The following OGFOD3 variants were observed in gnomAD, a reference collection of about 807,000 sequenced individuals.
OGFOD3 encodes 2-oxoglutarate and iron dependent oxygenase domain containing 3, also known as 2-oxoglutarate and iron-dependent oxygenase domain-containing protein 3.
OGFOD3 carries 35 observed loss-of-function variants against 39.8 expected under a neutral mutation model. The observed-to-expected ratio is 0.88, with a 90% CI of 0.67 to 1.17. The LOEUF (loss-of-function observed/expected upper bound fraction) is 1.17. Ranked by LOEUF, OGFOD3 falls within the 50% of genes most tolerant of loss-of-function variation. OGFOD3 has a pLI of 0.00. For missense variants in OGFOD3, 438 were observed against 454.5 expected (o/e 0.96, Z 0.33); for synonymous variants, 200 against 192.0 (o/e 1.04, Z -0.34).
intron 7 of OGFOD3, 174 bp downstream of exon 7, chr17:82,403,763 G>GCTCACCCTGCCCACGTGCGCA (rs1567869808): frequency 7.6e-6 from 6 of 787,756 alleles, no homozygotes; most frequent in African/African-American, 3.5e-5. Flanking sequence ...CCACATGCGC[G>GCTCACCCTGCCCACGTGCGCA]CTCACCCTGC....
At chr17:82,414,375 C>A (rs957389881) in intron 2 of OGFOD3, among the ~76,000 whole-genome samples, 1 of 152,206 alleles carries the variant, frequency 6.6e-6, no homozygotes, top group Non-Finnish European at 1.5e-5. Flanking sequence ...TGGCCTCAAG[C>A]GATCCTCCTG....
chr17:82,416,499 G>C (rs1020209179), intron 1 of OGFOD3, among the ~76,000 whole-genome samples: 1 of 151,944 alleles, frequency 6.6e-6, no homozygotes, highest in South Asian at 2.1e-4. Context: ...CATCAGGGCC[G>C]CACTCCCTCC....
intron 8 of OGFOD3, among the ~76,000 whole-genome samples, chr17:82,395,260 G>C (rs944596986): frequency 6.6e-6 from 1 of 152,086 alleles, no homozygotes. Context: ...TTGAACTCCC[G>C]AGCTCAAACG....
chr17:82,412,467 G>C (rs1025014101), intron 2 of OGFOD3, among the ~76,000 whole-genome samples: 1 of 144,852 alleles, frequency 6.9e-6, no homozygotes, highest in Non-Finnish European at 1.5e-5. Flanking sequence ...TATCGGGGCA[G>C]GGGCAAGGTC....
chr17:82,411,938 A>G (rs1301579688), intron 2 of OGFOD3, among the ~76,000 whole-genome samples: 1 of 152,050 alleles, frequency 6.6e-6, no homozygotes, highest in Non-Finnish European at 1.5e-5. Context: ...CCCTCCTGAG[A>G]CCACCAGGGA....
Position 82,404,904 on chromosome 17 carries a change from C to T in OGFOD3, c.545+420G>A, listed in dbSNP as rs185320462. Among the ~76,000 whole-genome samples the T allele has an allele frequency of 4.4e-4, 67 of 152,186 alleles. No homozygotes were observed. Among genetic ancestry groups the T allele is most frequent in the Non-Finnish European group, 4.4e-4 (30 of 68,000 alleles). Reference sequence around the variant, plus strand: ...TACAGGCACCCGCCACCGCACCCAACTAATTTTTGTACTTTTAGTAAAGAT... The same window carrying T: ...TACAGGCACCCGCCACCGCACCCAATTAATTTTTGTACTTTTAGTAAAGAT... On this transcript the variant is annotated intron_variant, in intron 6 of 8. Transcript: ENST00000313056. This position sits in a 1 kb window ranked among gnomAD's most constrained non-coding sequence, Gnocchi z 4.5.
intron 7 of OGFOD3, among the ~76,000 whole-genome samples, chr17:82,401,627 A>T (rs1419959128): frequency 6.9e-6 from 1 of 145,744 alleles, no homozygotes; most frequent in Non-Finnish European, 1.5e-5. Context: ...AACATGGTGA[A>T]ACCCCGTCTC....
rs748039832 is a variant in OGFOD3, at chr17:82,403,952, A to C, written c.684T>G (p.His228Gln). 1.9e-6 allele frequency: 3 copies of C among 1,605,992 alleles called. No homozygotes were observed. The highest frequency in any genetic ancestry group is 1.7e-5 in the Admixed American group (1 of 59,062). Residue 228 changes from histidine to glutamine, a missense_variant, in exon 7 of 9, where the codon CAT becomes CAG. His to Gln is a conservative substitution (Grantham distance 24). Coordinates refer to ENST00000313056, the MANE Select transcript of OGFOD3 (RefSeq NM_024648.3). ...EARTAHDEYWHAHVDKVTYGS... is the reference protein window; with the variant it reads ...EARTAHDEYWQAHVDKVTYGS... ...GCGCGCTCACCTTGTCCACGTGCGC[A>C]TGCCAGTACTCGTCGTGCGCCGTCC...
chr17:82,394,845 A>C (rs66463391), intron 8 of OGFOD3, among the ~76,000 whole-genome samples: 1 of 151,856 alleles, frequency 6.6e-6, no homozygotes. Flanking sequence ...CCCCCCAGTA[A>C]AAACCCTGGA....
rs181956173 is a variant in OGFOD3 at position 82,406,267 on chromosome 17, C to G, written c.488+151G>C. The G allele has an allele frequency of 7.2e-4, 492 of 687,378 alleles. 5 individuals are homozygous for G. The East Asian group carries it at 0.013, about 18-fold the overall frequency. The allele number at this position is 687,378 out of a possible 1,614,324, so 42.6% of individuals were successfully genotyped here. ...TGCGTCCCAAAGAACCAGGAAGGAC[C>G]CGGCCAACATCACAGCCACTGAGGC... On this transcript the variant is annotated intron_variant, in intron 5 of 8. Coordinates refer to ENST00000313056, the MANE Select transcript of OGFOD3 (RefSeq NM_024648.3). The surrounding 1 kb of genome is among the most constrained non-coding windows in gnomAD (Gnocchi z 5.2).
At chr17:82,411,853 C>G (rs2052948737) in intron 2 of OGFOD3, among the ~76,000 whole-genome samples, 1 of 152,198 alleles carries the variant, frequency 6.6e-6, no homozygotes, top group African/African-American at 2.4e-5. Context: ...GGTCCAGACA[C>G]CCACAGGCAC....
rs2052584545 is a variant in OGFOD3, at chr17:82,390,286, C to G, written c.*2112G>C. On this transcript the variant is annotated 3_prime_UTR_variant, in exon 9 of 9. Transcript: ENST00000313056. This position sits in a 1 kb window ranked among gnomAD's most constrained non-coding sequence, Gnocchi z 4.9. ...TTTCCATGCAGCATTTTCCACCTGC[C>G]CCGACCATGACCACAGCCACGGACC... is the stretch of plus-strand genomic sequence containing the variant. 6.6e-6 allele frequency: 1 copy of G among 152,272 alleles called. No individual in the cohort carries two copies. Among genetic ancestry groups the G allele is most frequent in the Non-Finnish European group, 1.5e-5 (1 of 68,092 alleles). 9.4% of individuals were successfully genotyped at this position (152,272 alleles called of 1,614,324 possible). A position where few individuals can be genotyped will look rare whatever the true frequency, so the allele number is the denominator to read the frequency against.
intron 2 of OGFOD3, among the ~76,000 whole-genome samples, chr17:82,413,595 C>T (rs1194598396): frequency 2.6e-5 from 4 of 152,138 alleles, no homozygotes; most frequent in Admixed American, 6.6e-5. Flanking sequence ...AGAGGCCAGG[C>T]GCAGTGGCTC....
chr17:82,400,096 A>G (rs994428839), intron 7 of OGFOD3, among the ~76,000 whole-genome samples: 6 of 152,116 alleles, frequency 3.9e-5, no homozygotes, highest in African/African-American at 1.4e-4. Flanking sequence ...GGAGAGCAGG[A>G]TCACGCTGGG....
Position 82,406,515 on chromosome 17 carries a change from C to T in OGFOD3, c.424-33G>A. ...AGACGTTGTGGAGTAAAGCGTGCAG[C>T]CGCAGCAATGGCAATGGCTGTTAAA... On this transcript the variant is annotated intron_variant, in intron 4 of 8. Transcript: ENST00000313056. This position sits in a 1 kb window ranked among gnomAD's most constrained non-coding sequence, Gnocchi z 5.2. 1 of 1,588,980 alleles carries T rather than the reference C, an allele frequency of 6.3e-7. No homozygotes were observed. The highest frequency in any genetic ancestry group is 8.6e-7 in the Non-Finnish European group (1 of 1,157,200).
At chr17:82,418,379 C>T (rs1163928364) in intron 1 of OGFOD3, 33 bp downstream of exon 1, 3 of 1,444,642 alleles carry the variant, frequency 2.1e-6, no homozygotes, top group South Asian at 1.3e-5. Context: ...TGTCCGCCGC[C>T]GCAGCGCGCG....
chr17:82,409,463 TAATCTAGGC>T, intron 3 of OGFOD3, 53 bp from the exon 4 acceptor site: 1 of 1,557,518 alleles, frequency 6.4e-7, no homozygotes, highest in Non-Finnish European at 8.9e-7. Context: ...CTATAATGTA[TAATCTAGGC>T]AAACGTCAAT....
intron 7 of OGFOD3, among the ~76,000 whole-genome samples, chr17:82,403,158 G>A (rs2143236624): frequency 6.6e-6 from 1 of 152,322 alleles, no homozygotes; most frequent in Admixed American, 6.5e-5. Flanking sequence ...GCTGAGCAGA[G>A]ACCATCTGCC....
At position 82,392,512 on chromosome 17, in the gene OGFOD3, C is replaced by T. The variant is rs772370749; in HGVS notation, c.846G>A (p.Ser282=). ...CCACGCGGTGTAGGTTCTCGGACCC[C>T]GAGGTGAAGAAGGAGACGCGACCTG... ...PRAGRVSFFT[S]GSENLHRVEK... Residue 282 remains serine, a synonymous_variant, in exon 9 of 9, where the codon TCG becomes TCA. Coordinates refer to ENST00000313056, the MANE Select transcript of OGFOD3 (RefSeq NM_024648.3). The surrounding 1 kb of genome is among the most constrained non-coding windows in gnomAD (Gnocchi z 4.2). The T allele has an allele frequency of 1.1e-5, 17 of 1,596,496 alleles. No homozygotes were observed. Among genetic ancestry groups the T allele is most frequent in the Middle Eastern group, 1.7e-4 (1 of 6,010 alleles).
Sources: gnomAD v4.1 joint callset for allele counts (sites outside exome capture counted in the v4.1 genomes callset) on GRCh38, gnomAD v4.1.1 for gene constraint, Gnocchi (gnomAD v3.1) non-coding constraint, MANE v1.5 for transcripts, NCBI Gene and HGNC (gene_info 2026-07-23, HGNC 2026-07-21) for gene names.